XRCC2: variants seen among roughly 807,000 people sequenced by gnomAD.
XRCC2 encodes the protein X-ray repair cross complementing 2, also known as DNA repair protein XRCC2.
XRCC2 carries 24 observed loss-of-function variants against 27.3 expected under a neutral mutation model. That is an observed-to-expected ratio of 0.88 (90% CI 0.64 to 1.24). XRCC2 has a LOEUF of 1.24. Among genes scored for constraint, XRCC2 ranks in the 50% most tolerant of loss-of-function variants. The pLI, the probability that XRCC2 is intolerant of heterozygous loss-of-function variation, is 0.00. For synonymous variants in XRCC2, 106 were observed against 115.4 expected (o/e 0.92, Z 0.52); for missense variants, 321 against 325.8 (o/e 0.99, Z 0.11).
rs2098026608 is a variant in XRCC2, at chr7:152,647,631, C to T, written c.*1011G>A. 1 of 152,148 alleles carries T rather than the reference C, an allele frequency of 6.6e-6. No homozygotes were observed. Among genetic ancestry groups the T allele is most frequent in the African/African-American group, 2.4e-5 (1 of 41,420 alleles). The allele number at this position is 152,148 out of a possible 1,614,324, so 9.4% of individuals were successfully genotyped here. ...TTTCCATATGGCTGGCCAGTTATCC[C>T]AGCACGATTTATTGAATAGAGAATC... On this transcript the variant is annotated 3_prime_UTR_variant, in exon 3 of 3. Coordinates refer to ENST00000359321, the MANE Select transcript of XRCC2 (RefSeq NM_005431.2).
chr7:152,664,063 T>A (rs994342123), intron 1 of XRCC2: 5 of 152,224 alleles, frequency 3.3e-5, no homozygotes, highest in Admixed American at 2.6e-4. Context: ...GCCAATATTC[T>A]ATTGTCACAC....
At chr7:152,659,246 A>G (rs776479094) in intron 2 of XRCC2, among the ~76,000 whole-genome samples, 2 of 152,188 alleles carry the variant, frequency 1.3e-5, no homozygotes, top group East Asian at 3.8e-4. Flanking sequence ...ATAAAAAGTT[A>G]TATGTGCTTA....
At chr7:152,675,944 C>G (rs1563035810) in intron 1 of XRCC2, 97 bp downstream of exon 1, 4 of 1,543,728 alleles carry the variant, frequency 2.6e-6, no homozygotes, top group Non-Finnish European at 3.6e-6. Flanking sequence ...CAGGCCGCGC[C>G]GCCCCAAGCC....
At chr7:152,651,126 G>A (rs1052523190) in intron 2 of XRCC2, among the ~76,000 whole-genome samples, 3 of 151,036 alleles carry the variant, frequency 2.0e-5, no homozygotes, top group African/African-American at 7.3e-5. Flanking sequence ...TTTTGGTAGA[G>A]ATGGGGTTTT....
In XRCC2 at chr7:152,674,744, T is replaced by TATTTTTAAATATATATTATATATAAATAC. The variant is rs2098039997; in HGVS notation, c.39+1296_39+1297insGTATTTATATATAATATATATTTAAAAAT. Among the ~76,000 whole-genome samples the TATTTTTAAATATATATTATATATAAATAC allele has an allele frequency of 5.1e-4, 65 of 127,844 alleles. 2 individuals carry two copies. Among genetic ancestry groups the TATTTTTAAATATATATTATATATAAATAC allele is most frequent in the Non-Finnish European group, 8.6e-4 (49 of 56,666 alleles). 83.9% of individuals were successfully genotyped at this position (127,844 alleles called of 152,430 possible). Reference sequence around the variant, plus strand: ...TTTAAATATATATTATATATAAATATATTTTTAAATATATATTATATATAA... The same window carrying TATTTTTAAATATATATTATATATAAATAC: ...TTTAAATATATATTATATATAAATATATTTTTAAATATATATTATATATAAATACATTTTTAAATATATATTATATATAA... On this transcript the variant is annotated intron_variant, in intron 1 of 2. Transcript: ENST00000359321.
chr7:152,652,852 C>T (rs2098029113), intron 2 of XRCC2, among the ~76,000 whole-genome samples: 1 of 152,102 alleles, frequency 6.6e-6, no homozygotes, highest in East Asian at 1.9e-4. Context: ...TAGGGAATGA[C>T]AGGTGGAGTG....
intron 1 of XRCC2, 41 bp from the exon 2 acceptor site, chr7:152,660,823 T>G: frequency 6.7e-7 from 1 of 1,502,210 alleles, no homozygotes; most frequent in Non-Finnish European, 9.1e-7. Flanking sequence ...TATTTAAAAA[T>G]ATAAAATCCT....
chr7:152,662,734 G>A (rs3218461), intron 1 of XRCC2, among the ~76,000 whole-genome samples: 39,099 of 150,328 alleles, frequency 0.26, 5,203 homozygotes, highest in South Asian at 0.32. Context: ...CACTACGCCC[G>A]GCTAATTTTT....
At chr7:152,675,977 G>A in intron 1 of XRCC2, 64 bp downstream of exon 1, 1 of 1,606,730 alleles carries the variant, frequency 6.2e-7, no homozygotes, top group Non-Finnish European at 8.5e-7. Context: ...GGGTTCCCTC[G>A]GCTCCCCTCG....
chr7:152,670,271 C>T (rs2098037635), intron 1 of XRCC2, among the ~76,000 whole-genome samples: 2 of 152,152 alleles, frequency 1.3e-5, no homozygotes, highest in African/African-American at 4.8e-5. Context: ...GCCACTCTCC[C>T]TCATCTGGAT....
chr7:152,651,403 TATAGTGAGACCCCAACTCTACAATTAA>T (rs1209940776), intron 2 of XRCC2, among the ~76,000 whole-genome samples: 1 of 140,760 alleles, frequency 7.1e-6, no homozygotes, highest in East Asian at 2.2e-4. Flanking sequence ...GCCTGGTCAA[TATAGTGAGACCCCAACTCTACAATTAA>T]AAAAAAAAAA....
Position 152,645,011 on chromosome 7 carries a change from TTA to T in XRCC2, c.*3629_*3630del, listed in dbSNP as rs1174343734. ...TTAGAAATAACTCCAAGAATAGTTT[TTA>T]TATTTTATTTTCACATTGAAAATCA... On this transcript the variant is annotated 3_prime_UTR_variant, in exon 3 of 3. Transcript: ENST00000359321. 6.6e-6 allele frequency: 1 copy of T among 152,200 alleles called. No individual in the cohort carries two copies. The highest frequency in any genetic ancestry group is 1.5e-5 in the Non-Finnish European group (1 of 68,042). 9.4% of individuals were successfully genotyped at this position (152,200 alleles called of 1,614,324 possible). A position where few individuals can be genotyped will look rare whatever the true frequency, so the allele number is the denominator to read the frequency against.
At chr7:152,667,224 A>C (rs1450994350) in intron 1 of XRCC2, among the ~76,000 whole-genome samples, 3 of 151,638 alleles carry the variant, frequency 2.0e-5, no homozygotes, top group Admixed American at 6.6e-5. Flanking sequence ...CCTGACCAAC[A>C]TGGTGAAACC....
Position 152,647,235 on chromosome 7 carries a change from C to A in XRCC2, c.*1407G>T, listed in dbSNP as rs1198292094. The A allele has an allele frequency of 6.6e-6, 1 of 152,114 alleles. No individual in the cohort carries two copies. Among genetic ancestry groups the A allele is most frequent in the African/African-American group, 2.4e-5 (1 of 41,418 alleles). 9.4% of individuals were successfully genotyped at this position (152,114 alleles called of 1,614,324 possible). A position where few individuals can be genotyped will look rare whatever the true frequency, so the allele number is the denominator to read the frequency against. On this transcript the variant is annotated 3_prime_UTR_variant, in exon 3 of 3. Coordinates refer to ENST00000359321, the MANE Select transcript of XRCC2 (RefSeq NM_005431.2). ...AAAGTGTCTGTTCATGTCCTTTGCCCACTTTTTAATGGGGTGGTTTTTTCT... is the reference window on the plus strand; with the variant it reads ...AAAGTGTCTGTTCATGTCCTTTGCCAACTTTTTAATGGGGTGGTTTTTTCT...
intron 1 of XRCC2, among the ~76,000 whole-genome samples, chr7:152,668,539 G>A (rs971502931): frequency 1.4e-5 from 2 of 140,924 alleles, no homozygotes; most frequent in Non-Finnish European, 3.2e-5. Context: ...AAGTGTCCAG[G>A]GTAAAGGGAA....
At chr7:152,652,230 A>C (rs931497038) in intron 2 of XRCC2, among the ~76,000 whole-genome samples, 34 of 152,000 alleles carry the variant, frequency 2.2e-4, no homozygotes, top group African/African-American at 8.0e-4. Flanking sequence ...TCATATTAAC[A>C]ATTGTCCATC....
rs1399240223 is a variant in XRCC2 at position 152,647,545 on chromosome 7, C to T, written c.*1097G>A. 1 of 151,690 alleles carries T rather than the reference C, an allele frequency of 6.6e-6. No individual in the cohort carries two copies. The highest frequency in any genetic ancestry group is 1.5e-5 in the Non-Finnish European group (1 of 68,038). The allele number at this position is 151,690 out of a possible 1,614,324, so 9.4% of individuals were successfully genotyped here. ...TACTGTTTTGGGTTTTACATTAAGT[C>T]TTTAATCCATCTTGAGTTAATTTTT... On this transcript the variant is annotated 3_prime_UTR_variant, in exon 3 of 3. Coordinates refer to ENST00000359321, the MANE Select transcript of XRCC2 (RefSeq NM_005431.2).
chr7:152,662,246 G>A (rs914705852), intron 1 of XRCC2, among the ~76,000 whole-genome samples: 6 of 152,090 alleles, frequency 3.9e-5, no homozygotes, highest in Admixed American at 6.6e-5. Context: ...GATTACAGGC[G>A]TGAGCCACCG....
At chr7:152,660,221 G>A (rs1324239433) in intron 2 of XRCC2, among the ~76,000 whole-genome samples, 1 of 152,142 alleles carries the variant, frequency 6.6e-6, no homozygotes, top group East Asian at 1.9e-4. Flanking sequence ...GGTAACGGTT[G>A]CACAACTGTG....
Sources: allele counts gnomAD v4.1 joint callset (sites outside exome capture counted in the v4.1 genomes callset), GRCh38; gene constraint gnomAD v4.1.1; transcripts MANE v1.5; gene names NCBI Gene and HGNC (gene_info 2026-07-23, HGNC 2026-07-21).